The following SLC68A1 variants were observed in gnomAD, a reference collection of about 807,000 sequenced individuals.
The protein encoded by SLC68A1 is major facilitator superfamily domain containing 13A.
chr10:102,463,019 A>G, the SLC68A1 span, among the ~76,000 whole-genome samples: 37 of 152,152 alleles, frequency 2.4e-4, no homozygotes, highest in African/African-American at 8.2e-4. Flanking sequence ...CAGTTTTCCT[A>G]TGACTGCTGC....
chr10:102,471,114 G>A, the SLC68A1 span: 17 of 1,612,752 alleles, frequency 1.1e-5, no homozygotes, highest in Middle Eastern at 1.7e-4. Context: ...GTTGTGGATA[G>A]CGGGTGAGTG....
the SLC68A1 span, among the ~76,000 whole-genome samples, chr10:102,465,418 C>G: frequency 6.6e-6 from 1 of 152,160 alleles, no homozygotes; most frequent in South Asian, 2.1e-4. Context: ...GAGCGAGACT[C>G]TATCTTTAAA....
chr10:102,461,720 T>C, the SLC68A1 span, among the ~76,000 whole-genome samples: 1 of 152,070 alleles, frequency 6.6e-6, no homozygotes, highest in Non-Finnish European at 1.5e-5. Context: ...GTGGGTCAAA[T>C]AGCTCCCTGG....
At chr10:102,465,755 G>A in the SLC68A1 span, among the ~76,000 whole-genome samples, 1 of 152,190 alleles carries the variant, frequency 6.6e-6, no homozygotes. Flanking sequence ...CTCTGCTGGG[G>A]CAGATTGAGG....
the SLC68A1 span, chr10:102,476,077 T>A: frequency 1.1e-6 from 1 of 912,266 alleles, no homozygotes; most frequent in Non-Finnish European, 1.4e-6. Context: ...ATTTCATAGT[T>A]TTTTTTTTTT....
At chr10:102,467,328 G>A in the SLC68A1 span, among the ~76,000 whole-genome samples, 1 of 152,142 alleles carries the variant, frequency 6.6e-6, no homozygotes, top group Admixed American at 6.5e-5. Flanking sequence ...GAGCCACTCC[G>A]CCCAGCCCCA....
chr10:102,464,329 T>C, the SLC68A1 span, among the ~76,000 whole-genome samples: 2 of 152,106 alleles, frequency 1.3e-5, no homozygotes, highest in Admixed American at 1.3e-4. Flanking sequence ...CGCACGCCTG[T>C]GATCCCAACC....
the SLC68A1 span, chr10:102,473,982 C>T: frequency 1.2e-6 from 2 of 1,608,936 alleles, no homozygotes; most frequent in Non-Finnish European, 1.7e-6. Flanking sequence ...TGCCCCGCTG[C>T]TGGGCACCTG....
At chr10:102,471,077 C>T in the SLC68A1 span, 9 of 1,613,796 alleles carry the variant, frequency 5.6e-6, no homozygotes, top group Middle Eastern at 1.6e-4. Context: ...TGAGGCGGCC[C>T]GAAAGGACCC....
the SLC68A1 span, among the ~76,000 whole-genome samples, chr10:102,474,697 G>A: frequency 6.6e-6 from 1 of 152,010 alleles, no homozygotes; most frequent in Non-Finnish European, 1.5e-5. Flanking sequence ...ACCCAGGCTG[G>A]AGTGCAGTGG....
At chr10:102,467,663 T>G in the SLC68A1 span, among the ~76,000 whole-genome samples, 1 of 152,018 alleles carries the variant, frequency 6.6e-6, no homozygotes, top group Non-Finnish European at 1.5e-5. Context: ...GCTTCTTCTT[T>G]TTTTCTTTTT....
the SLC68A1 span, chr10:102,473,693 TG>T: frequency 6.2e-6 from 10 of 1,614,016 alleles, no homozygotes; most frequent in Non-Finnish European, 8.5e-6. Flanking sequence ...CTGCTCATGT[TG>T]TTGGCCGGCC....
the SLC68A1 span, chr10:102,469,965 C>T: frequency 6.2e-7 from 1 of 1,610,676 alleles, no homozygotes; most frequent in South Asian, 1.1e-5. Flanking sequence ...GTCTAGAGCC[C>T]ACCTTCCTGT....
At chr10:102,472,967 G>A in the SLC68A1 span, 2 of 1,583,960 alleles carry the variant, frequency 1.3e-6, no homozygotes, top group Non-Finnish European at 8.7e-7. Context: ...GTGGACCTTG[G>A]GTGCTTCATG....
At chr10:102,469,204 C>T in the SLC68A1 span, 7 of 1,613,868 alleles carry the variant, frequency 4.3e-6, no homozygotes, top group Non-Finnish European at 5.9e-6. Flanking sequence ...AGAGGTAGGG[C>T]CAGTGCTGGG....
At chr10:102,469,629 C>T in the SLC68A1 span, among the ~76,000 whole-genome samples, 69 of 151,854 alleles carry the variant, frequency 4.5e-4, no homozygotes, top group South Asian at 2.9e-3. Context: ...TCACTGCAAC[C>T]TCCGCCTTCG....
chr10:102,474,681 C>T, the SLC68A1 span, among the ~76,000 whole-genome samples: 2 of 151,912 alleles, frequency 1.3e-5, no homozygotes, highest in African/African-American at 2.4e-5. Context: ...ATAGGGTCTC[C>T]CTGTCACCCA....
At chr10:102,468,754 C>T in the SLC68A1 span, 1 of 335,790 alleles carries the variant, frequency 3.0e-6, no homozygotes, top group Non-Finnish European at 5.5e-6. Context: ...TTCCCACAGG[C>T]TCTCTGTTTC....
chr10:102,475,807 G>GGCCCCGACGCTCCGCCAGGGCT, the SLC68A1 span: 1 of 1,614,066 alleles, frequency 6.2e-7, no homozygotes, highest in East Asian at 2.2e-5. Flanking sequence ...CCCCTGCACA[G>GGCCCCGACGCTCCGCCAGGGCT]GCCCCGACGC....
Sources: gnomAD v4.1 joint callset for allele counts (sites outside exome capture counted in the v4.1 genomes callset) on GRCh38, gnomAD v4.1.1 for gene constraint, MANE v1.5 for transcripts, NCBI Gene and HGNC (gene_info 2026-07-23, HGNC 2026-07-21) for gene names.